Variants in PPFIBP1 observed in about 807,000 individuals in gnomAD.
PPFIBP1 encodes the protein liprin-beta-1.
A neutral mutation model predicts 137.8 loss-of-function variants in PPFIBP1; 112 were observed. The ratio of observed to expected loss-of-function variants is 0.81; its 90% confidence interval spans 0.70 to 0.95. PPFIBP1 has a LOEUF of 0.95. Among genes scored for constraint, PPFIBP1 ranks in the 40% least tolerant of loss-of-function variants. The probability of loss-of-function intolerance (pLI) is 0.00; values close to 1 mark genes in which losing one functional copy is unlikely to be tolerated. For synonymous variants in PPFIBP1, 378 were observed against 417.3 expected (o/e 0.91, Z 1.15); for missense variants, 1,083 against 1,196.6 (o/e 0.91, Z 1.40).
intron 2 of PPFIBP1, among the ~76,000 whole-genome samples, chr12:27,578,633 C>T (rs1457109563): frequency 6.6e-6 from 1 of 152,146 alleles, no homozygotes; most frequent in East Asian, 1.9e-4. Flanking sequence ...ATTAATGACC[C>T]AGTAGGCTTA....
chr12:27,572,311 G>A (rs11049052), intron 1 of PPFIBP1, among the ~76,000 whole-genome samples: 47,459 of 152,038 alleles, frequency 0.31, 7,859 homozygotes, highest in Middle Eastern at 0.45. Context: ...TGCCAGTACA[G>A]TCTCACACAG....
At chr12:27,641,903 G>C (rs1324360585) in intron 4 of PPFIBP1, among the ~76,000 whole-genome samples, 4 of 151,990 alleles carry the variant, frequency 2.6e-5, no homozygotes, top group Non-Finnish European at 5.9e-5. Flanking sequence ...CCCTCCCGTT[G>C]TATGGGAGCT....
chr12:27,561,586 C>G (rs1174058914), intron 1 of PPFIBP1, among the ~76,000 whole-genome samples: 2 of 152,146 alleles, frequency 1.3e-5, no homozygotes, highest in African/African-American at 4.8e-5. Context: ...AAAAGGAAAT[C>G]AGTCTTTAAA....
intron 2 of PPFIBP1, among the ~76,000 whole-genome samples, chr12:27,606,670 T>C (rs2054560313): frequency 6.6e-6 from 1 of 152,212 alleles, no homozygotes; most frequent in Non-Finnish European, 1.5e-5. Context: ...ATCAATTCCG[T>C]AAGTTTGGGC....
At chr12:27,582,423 G>C (rs1220631805) in intron 2 of PPFIBP1, among the ~76,000 whole-genome samples, 2 of 152,120 alleles carry the variant, frequency 1.3e-5, no homozygotes, top group Non-Finnish European at 2.9e-5. Context: ...TTAATGTTAT[G>C]GTATTTTGGG....
At chr12:27,600,570 AC>A (rs1002820910) in intron 2 of PPFIBP1, among the ~76,000 whole-genome samples, 3 of 152,056 alleles carry the variant, frequency 2.0e-5, no homozygotes, top group Non-Finnish European at 4.4e-5. Context: ...GAAAAAAAAA[AC>A]ATAGATAAAA....
At chr12:27,627,039 C>T (rs1305044364) in intron 2 of PPFIBP1, among the ~76,000 whole-genome samples, 3 of 152,138 alleles carry the variant, frequency 2.0e-5, no homozygotes, top group Non-Finnish European at 4.4e-5. Flanking sequence ...AGGCATACAT[C>T]ACATAATAAT....
chr12:27,646,225 T>C (rs1419261240), intron 5 of PPFIBP1, 77 bp downstream of exon 5: 3 of 1,137,964 alleles, frequency 2.6e-6, no homozygotes, highest in Non-Finnish European at 3.9e-6. Flanking sequence ...CAAATTCAGA[T>C]TGCTTGCAGC....
intron 2 of PPFIBP1, among the ~76,000 whole-genome samples, chr12:27,623,863 T>C (rs1412674251): frequency 6.6e-6 from 1 of 152,106 alleles, no homozygotes; most frequent in African/African-American, 2.4e-5. Flanking sequence ...GCGGAGCCAC[T>C]GAGTCATAGC....
chr12:27,643,656 A>C (rs1364895645), intron 4 of PPFIBP1, among the ~76,000 whole-genome samples: 2 of 73,326 alleles, frequency 2.7e-5, no homozygotes, highest in Non-Finnish European at 5.1e-5. Context: ...AGAACGTGGG[A>C]GTTGAAGGAA....
In PPFIBP1 at chr12:27,681,651, A is replaced by G. The variant is rs2060880715; in HGVS notation, c.2001A>G (p.Ala667=). 2.5e-6 allele frequency: 4 copies of G among 1,614,090 alleles called. No homozygotes were observed. In the South Asian group the frequency reaches 4.4e-5, roughly 18 times the overall value. Residue 667 remains alanine (A), a synonymous_variant, in exon 22 of 30, where the codon GCA becomes GCG. Coordinates refer to ENST00000228425, the MANE Select transcript of PPFIBP1 (RefSeq NM_003622.4). ...TGAATTCTGGCAAGCACTGGATTGC[A>G]TCTGGCCAAACGCTTTTGCAGGCTT... ...SYLNSGKHWI[A]SGQTLLQASQ...
At chr12:27,577,246 A>G (rs539000368) in intron 1 of PPFIBP1, among the ~76,000 whole-genome samples, 6 of 151,968 alleles carry the variant, frequency 3.9e-5, no homozygotes, top group African/African-American at 1.4e-4. Flanking sequence ...TGTCCTCATG[A>G]AGGATATCCA....
chr12:27,678,971 C>A (rs1449677718), intron 19 of PPFIBP1, among the ~76,000 whole-genome samples: 2 of 151,126 alleles, frequency 1.3e-5, no homozygotes. Flanking sequence ...ATATCACAGG[C>A]ATTTAGATAC....
At chr12:27,633,833 A>ATTT (rs2057436231) in intron 3 of PPFIBP1, among the ~76,000 whole-genome samples, 1 of 81,704 alleles carries the variant, frequency 1.2e-5, no homozygotes, top group East Asian at 3.1e-4. Context: ...TGACTCCCGT[A>ATTT]TCTTTTTTTT....
intron 2 of PPFIBP1, among the ~76,000 whole-genome samples, chr12:27,601,684 AGTT>A (rs34841249): frequency 0.41 from 62,227 of 151,846 alleles, 14,030 homozygotes; most frequent in Non-Finnish European, 0.5. Context: ...ACCTCAGCTG[AGTT>A]GTTTATGCAT....
intron 16 of PPFIBP1, 59 bp from the exon 17 acceptor site, chr12:27,674,133 T>C: frequency 7.4e-7 from 1 of 1,352,878 alleles, no homozygotes; most frequent in Non-Finnish European, 1.0e-6. Flanking sequence ...ATGTGACAAA[T>C]TCAGAATTAT....
chr12:27,666,648 G>C (rs4931236), intron 12 of PPFIBP1, among the ~76,000 whole-genome samples: 151,908 of 152,352 alleles, frequency 1, 75,735 homozygotes, highest in Middle Eastern at 1. Flanking sequence ...TTTAAAATGG[G>C]ATAAAAGGAT....
At chr12:27,677,883 T>C (rs1261532026) in intron 19 of PPFIBP1, 1 of 152,252 alleles carries the variant, frequency 6.6e-6, no homozygotes, top group Non-Finnish European at 1.5e-5. Context: ...CTTGTATAGA[T>C]ATCCACCTAT....
At chr12:27,649,751 A>G (rs1210951644) in intron 6 of PPFIBP1, among the ~76,000 whole-genome samples, 1 of 152,140 alleles carries the variant, frequency 6.6e-6, no homozygotes, top group African/African-American at 2.4e-5. Context: ...GGGTTTCACC[A>G]TACTGTCCAG....
Sources: allele counts gnomAD v4.1 joint callset (sites outside exome capture counted in the v4.1 genomes callset), GRCh38; gene constraint gnomAD v4.1.1; transcripts MANE v1.5; gene names NCBI Gene and HGNC (gene_info 2026-07-23, HGNC 2026-07-21).